RGS6: variants seen among roughly 807,000 people sequenced by gnomAD.
RGS6 encodes the protein regulator of G-protein signaling 6.
RGS6 carries 30 observed loss-of-function variants against 78.5 expected under a neutral mutation model. The ratio of observed to expected loss-of-function variants is 0.38; its 90% CI spans 0.29 to 0.52. The LOEUF (loss-of-function observed/expected upper bound fraction) is 0.52, where lower values mean the gene tolerates loss of function less well. Ranked by LOEUF, RGS6 falls within the 20% of genes least tolerant of loss-of-function variation. RGS6 has a pLI of 0.85. For synonymous variants in RGS6, 206 were observed against 206.0 expected, an observed-to-expected ratio of 1.00 and a Z score of 0.00; for missense variants, 495 against 609.7, an observed-to-expected ratio of 0.81 and a Z score of 1.98.
chr14:71,967,339 T>C (rs1213829075), intron 2 of RGS6, among the ~76,000 whole-genome samples: 1 of 152,128 alleles, frequency 6.6e-6, no homozygotes, highest in Non-Finnish European at 1.5e-5. Flanking sequence ...CTAGTTAACC[T>C]GACTGACTTA....
intron 1 of RGS6, among the ~76,000 whole-genome samples, chr14:71,938,254 A>G (rs2089892362): frequency 6.6e-6 from 1 of 152,222 alleles, no homozygotes. Flanking sequence ...CCAATTTTTC[A>G]ATCATGCTTC....
chr14:72,546,071 C>G (rs2153521085), intron 17 of RGS6, among the ~76,000 whole-genome samples: 1 of 152,320 alleles, frequency 6.6e-6, no homozygotes, highest in African/African-American at 2.4e-5. Context: ...TGCTGCTCAC[C>G]TGCTACCAGG....
At chr14:72,512,176 C>T (rs1379302475) in intron 14 of RGS6, among the ~76,000 whole-genome samples, 1 of 152,140 alleles carries the variant, frequency 6.6e-6, no homozygotes, top group African/African-American at 2.4e-5. Context: ...TACCTAACTA[C>T]CTCTAAGCCC....
chr14:72,346,397 G>A (rs757332229), intron 2 of RGS6, among the ~76,000 whole-genome samples: 6 of 152,114 alleles, frequency 3.9e-5, no homozygotes, highest in Non-Finnish European at 7.4e-5. Context: ...GGGCCTCTCC[G>A]GGTCATTTCT....
the RGS6 span, chr14:72,594,823 G>C: frequency 6.6e-6 from 1 of 152,070 alleles, no homozygotes; most frequent in Admixed American, 6.6e-5. Context: ...TTGCTTTCTC[G>C]GGTGAGGGAT....
intron 12 of RGS6, among the ~76,000 whole-genome samples, chr14:72,487,008 G>A (rs926637588): frequency 5.9e-5 from 9 of 152,028 alleles, no homozygotes. Context: ...CTCTCTCTGG[G>A]AAGGATCACC....
chr14:71,963,081 A>G (rs548250659), intron 1 of RGS6, among the ~76,000 whole-genome samples: 1 of 152,266 alleles, frequency 6.6e-6, no homozygotes, highest in Non-Finnish European at 1.5e-5. Flanking sequence ...CCTGCGGGGA[A>G]CTTGGTGGAA....
intron 2 of RGS6, among the ~76,000 whole-genome samples, chr14:72,176,850 G>A (rs1329889113): frequency 6.6e-6 from 1 of 152,126 alleles, no homozygotes; most frequent in Non-Finnish European, 1.5e-5. Flanking sequence ...GTTCACTTAG[G>A]TCAAGATACA....
intron 3 of RGS6, among the ~76,000 whole-genome samples, chr14:72,406,864 G>A (rs1030980678): frequency 2.0e-5 from 3 of 152,058 alleles, no homozygotes; most frequent in Non-Finnish European, 4.4e-5. Flanking sequence ...AGAATGAAGG[G>A]TAGGCATGGC....
chr14:71,947,458 A>G (rs2152981296), intron 1 of RGS6, among the ~76,000 whole-genome samples: 1 of 152,164 alleles, frequency 6.6e-6, no homozygotes, highest in African/African-American at 2.4e-5. Flanking sequence ...CCCACTTAAA[A>G]AAAATCTGTT....
At chr14:71,966,312 T>C (rs2093508600) in intron 2 of RGS6, among the ~76,000 whole-genome samples, 1 of 152,238 alleles carries the variant, frequency 6.6e-6, no homozygotes, top group South Asian at 2.1e-4. Context: ...CTCAAATTAT[T>C]CTGGCTTTGA....
At chr14:72,547,330 CAGAG>C (rs763515441) in intron 17 of RGS6, 33 of 1,535,360 alleles carry the variant, frequency 2.1e-5, no homozygotes, top group African/African-American at 2.7e-5. Context: ...AAAGAGAAGT[CAGAG>C]AGCTTCAAGT....
In RGS6 at chr14:71,971,437, G is replaced by A. The variant is rs1044321888; in HGVS notation, c.84+6562G>A. Among the ~76,000 whole-genome samples, 6 of 152,162 alleles carry A rather than the reference G, an allele frequency of 3.9e-5. No individual in the cohort carries two copies. The South Asian group carries it at 6.2e-4, about 16-fold the overall frequency. Reference sequence around the variant, plus strand: ...CAGACTACTTTCCTCTTCTGGGTCCGGACATCCTTTTTGTCTACTCATCCT... The same window carrying A: ...CAGACTACTTTCCTCTTCTGGGTCCAGACATCCTTTTTGTCTACTCATCCT... On this transcript the variant is annotated intron_variant, in intron 2 of 17. Coordinates refer to ENST00000553525, the MANE Select transcript of RGS6 (RefSeq NM_001204424.2).
At chr14:72,593,515 G>C in the RGS6 span, among the ~76,000 whole-genome samples, 4 of 152,160 alleles carry the variant, frequency 2.6e-5, no homozygotes, top group African/African-American at 2.4e-5. Flanking sequence ...CTCCTGAGTA[G>C]CTGAGGTTAC....
the RGS6 span, among the ~76,000 whole-genome samples, chr14:71,887,289 G>A: frequency 2.0e-5 from 3 of 152,124 alleles, no homozygotes; most frequent in African/African-American, 7.2e-5. Flanking sequence ...TGTAAAATAT[G>A]TGTATTTGAA....
At chr14:72,381,450 AAC>A (rs2086078400) in intron 3 of RGS6, among the ~76,000 whole-genome samples, 1 of 152,244 alleles carries the variant, frequency 6.6e-6, no homozygotes, top group Admixed American at 6.5e-5. Flanking sequence ...AATAAAATAA[AAC>A]AACTAGAAAT....
intron 15 of RGS6, among the ~76,000 whole-genome samples, chr14:72,524,359 A>G (rs1372909099): frequency 4.6e-5 from 7 of 152,180 alleles, no homozygotes; most frequent in Non-Finnish European, 1.0e-4. Context: ...GCCAAGAGAG[A>G]GTTCTGAACC....
At chr14:72,182,855 A>G (rs1473012677) in intron 2 of RGS6, among the ~76,000 whole-genome samples, 2 of 152,236 alleles carry the variant, frequency 1.3e-5, no homozygotes, top group Non-Finnish European at 2.9e-5. Flanking sequence ...TGTGTCTTGA[A>G]GAGCTTTGGA....
chr14:72,099,932 C>T (rs532137060), intron 2 of RGS6, among the ~76,000 whole-genome samples: 1 of 152,172 alleles, frequency 6.6e-6, no homozygotes, highest in East Asian at 1.9e-4. Context: ...ATGGGGACTT[C>T]TTGAAAGATC....
Sources: allele counts gnomAD v4.1 joint callset (sites outside exome capture counted in the v4.1 genomes callset), GRCh38; gene constraint gnomAD v4.1.1; transcripts MANE v1.5; gene names NCBI Gene and HGNC (gene_info 2026-07-23, HGNC 2026-07-21).